The following PHF21A variants were observed in gnomAD, a reference collection of about 807,000 sequenced individuals.
The protein encoded by PHF21A is PHD finger protein 21A.
Under a neutral mutation model 82.5 loss-of-function variants are expected in PHF21A, and 11 were observed. The observed-to-expected ratio is 0.13, with a 90% CI of 0.08 to 0.22. PHF21A has a LOEUF of 0.22. Among genes scored for constraint, PHF21A ranks in the 10% least tolerant of loss-of-function variants. The pLI is 1.00. For missense variants in PHF21A, 579 were observed against 837.8 expected, an observed-to-expected ratio of 0.69 and a Z score of 3.81; for synonymous variants, 297 against 302.8, an observed-to-expected ratio of 0.98 and a Z score of 0.20.
intron 10 of PHF21A, among the ~76,000 whole-genome samples, chr11:45,958,017 A>T (rs917587921): frequency 6.6e-6 from 1 of 152,106 alleles, no homozygotes; most frequent in African/African-American, 2.4e-5. Context: ...TAGACAACAT[A>T]GATGCAATGG....
chr11:46,043,226 TGACA>T (rs903523590), intron 6 of PHF21A, among the ~76,000 whole-genome samples: 4 of 152,156 alleles, frequency 2.6e-5, no homozygotes, highest in African/African-American at 9.7e-5. Flanking sequence ...GGAATAAGAC[TGACA>T]ACCTATCAAT....
At chr11:46,069,408 T>C (rs1161880877) in intron 6 of PHF21A, among the ~76,000 whole-genome samples, 1 of 152,190 alleles carries the variant, frequency 6.6e-6, no homozygotes, top group Non-Finnish European at 1.5e-5. Context: ...TGAGAAGATT[T>C]CTAAGACAAT....
chr11:46,000,897 G>GC (rs1308936105), intron 6 of PHF21A, among the ~76,000 whole-genome samples: 1 of 151,850 alleles, frequency 6.6e-6, no homozygotes, highest in Admixed American at 6.6e-5. Flanking sequence ...TCCAGCCTGG[G>GC]CAACAAAAGT....
At chr11:45,973,007 G>A (rs140955136) in intron 7 of PHF21A, among the ~76,000 whole-genome samples, 1,760 of 152,186 alleles carry the variant, frequency 0.012, 39 homozygotes, top group African/African-American at 0.04. Flanking sequence ...GAACCCGTGA[G>A]GCAGAGGCTG....
chr11:46,074,753 T>C (rs147745613), intron 6 of PHF21A, among the ~76,000 whole-genome samples: 2,357 of 152,334 alleles, frequency 0.015, 67 homozygotes, highest in African/African-American at 0.053. Flanking sequence ...TCCACCCACC[T>C]TGGCCTCCCA....
chr11:46,017,159 C>T (rs1025078194), intron 6 of PHF21A, among the ~76,000 whole-genome samples: 3 of 152,000 alleles, frequency 2.0e-5, no homozygotes, highest in Admixed American at 6.6e-5. Flanking sequence ...TTAGCAGAGA[C>T]GGGGTTTCTC....
intron 6 of PHF21A, among the ~76,000 whole-genome samples, chr11:46,020,894 G>A (rs560502386): frequency 1.3e-5 from 2 of 152,258 alleles, no homozygotes; most frequent in African/African-American, 4.8e-5. Flanking sequence ...ATGGGGTTAT[G>A]TCCTGATAAT....
Position 45,935,741 on chromosome 11 carries a change from TAAAAAAAAAAA to T in PHF21A, c.1685-13_1685-3del, listed in dbSNP as rs35995547. On this transcript the variant is annotated splice_region_variant and splice_polypyrimidine_tract_variant and intron_variant, in intron 17 of 18. Transcript: ENST00000676320. ...ACTTCTGTTTCTCTTCTTCTTTTGC[TAAAAAAAAAAA>T]AAAAAAAAAAAAGGAACGGTTTTTG... 1.7e-5 allele frequency: 9 copies of T among 523,484 alleles called. No individual in the cohort carries two copies. The highest frequency in any genetic ancestry group is 4.7e-5 in the South Asian group (2 of 42,674). 32.4% of individuals were successfully genotyped at this position (523,484 alleles called of 1,614,324 possible).
At chr11:46,068,552 C>T (rs2096621167) in intron 6 of PHF21A, among the ~76,000 whole-genome samples, 1 of 151,760 alleles carries the variant, frequency 6.6e-6, no homozygotes, top group Non-Finnish European at 1.5e-5. Flanking sequence ...ATGTTCTATG[C>T]AAAAGAAAAA....
At chr11:45,935,598 C>CCTATGT in intron 18 of PHF21A, 38 bp downstream of exon 18, 1 of 980,428 alleles carries the variant, frequency 1.0e-6, no homozygotes, top group Non-Finnish European at 1.7e-6. Flanking sequence ...GGTCTCTGCA[C>CCTATGT]CTATGTATCG....
intron 1 of PHF21A, among the ~76,000 whole-genome samples, chr11:46,114,473 C>T (rs750337585): frequency 3.3e-4 from 51 of 152,290 alleles, no homozygotes; most frequent in Non-Finnish European, 7.1e-4. Context: ...ACAAATTTAA[C>T]GCAATCCAGC....
intron 11 of PHF21A, 100 bp downstream of exon 11, chr11:45,953,427 C>T (rs2092356514): frequency 2.7e-6 from 2 of 733,428 alleles, no homozygotes; most frequent in East Asian, 2.6e-5. Context: ...AAATGAACAT[C>T]GAGTTCATTT....
Position 45,930,300 on chromosome 11 carries a change from C to T in PHF21A, c.*3668G>A, listed in dbSNP as rs80116517. 0.02 allele frequency: 2,973 copies of T among 152,386 alleles called. 37 individuals are homozygous for T. The highest frequency in any genetic ancestry group is 0.029 in the Non-Finnish European group (1,993 of 68,050). 9.4% of individuals were successfully genotyped at this position (152,386 alleles called of 1,614,324 possible). A position where few individuals can be genotyped will look rare whatever the true frequency, so the allele number is the denominator to read the frequency against. Reference sequence around the variant, plus strand: ...CACGGAAACAGCTGTGTGTAACCACCTCCATGCACGCTGCCTGTTGGGCCT... The same window carrying T: ...CACGGAAACAGCTGTGTGTAACCACTTCCATGCACGCTGCCTGTTGGGCCT... On this transcript the variant is annotated 3_prime_UTR_variant, in exon 19 of 19. Transcript: ENST00000676320.
intron 6 of PHF21A, among the ~76,000 whole-genome samples, chr11:46,007,691 C>T (rs964882055): frequency 5.3e-5 from 8 of 152,028 alleles, no homozygotes; most frequent in Admixed American, 6.6e-5. Flanking sequence ...ATATTAAATC[C>T]GTCATTTTAA....
At chr11:45,980,086 T>C (rs934200947) in intron 6 of PHF21A, 120 bp from the exon 7 acceptor site, 5 of 1,397,720 alleles carry the variant, frequency 3.6e-6, no homozygotes, top group Non-Finnish European at 3.9e-6. Flanking sequence ...TACATCTAAA[T>C]TTACACAGGT....
intron 1 of PHF21A, among the ~76,000 whole-genome samples, chr11:46,097,174 C>CG (rs1199842064): frequency 3.9e-5 from 6 of 152,160 alleles, no homozygotes; most frequent in Non-Finnish European, 7.4e-5. Flanking sequence ...ACCCTAGCCC[C>CG]GCTAAGGTAT....
intron 18 of PHF21A, 173 bp from the exon 19 acceptor site, chr11:45,934,398 G>A (rs2088280858): frequency 3.4e-6 from 2 of 585,328 alleles, no homozygotes; most frequent in East Asian, 3.1e-5. Context: ...ACCACCTAAG[G>A]AACAGGGCGG....
chr11:46,015,704 A>G (rs2137575797), intron 6 of PHF21A, among the ~76,000 whole-genome samples: 1 of 152,290 alleles, frequency 6.6e-6, no homozygotes, highest in African/African-American at 2.4e-5. Context: ...AAAGACACAA[A>G]CACACACATT....
intron 6 of PHF21A, among the ~76,000 whole-genome samples, chr11:46,042,338 C>T (rs774296574): frequency 2.0e-5 from 3 of 152,042 alleles, no homozygotes; most frequent in Non-Finnish European, 2.9e-5. Flanking sequence ...TAGAATTTGA[C>T]GGTAAACCAG....
Sources: gnomAD v4.1 joint callset for allele counts (sites outside exome capture counted in the v4.1 genomes callset) on GRCh38, gnomAD v4.1.1 for gene constraint, MANE v1.5 for transcripts, NCBI Gene and HGNC (gene_info 2026-07-23, HGNC 2026-07-21) for gene names.